Variants in SCGB2B2 observed in about 807,000 individuals in gnomAD.
SCGB2B2 encodes the protein secretoglobin family 2B member 2, also known as secretoglobin-like protein.
In SCGB2B2, 11 loss-of-function variants were observed where a neutral mutation model predicts 7.6. The observed-to-expected ratio is 1.45, with a 90% CI of 0.91 to 2.40. SCGB2B2 has a LOEUF of 2.40. Among genes scored for constraint, SCGB2B2 ranks in the 30% most tolerant of loss-of-function variants. The pLI, the probability that SCGB2B2 is intolerant of heterozygous loss-of-function variation, is 0.00. For synonymous variants in SCGB2B2, 50 were observed against 48.6 expected, an observed-to-expected ratio of 1.03 and a Z score of -0.12; for missense variants, 104 against 115.4, an observed-to-expected ratio of 0.90 and a Z score of 0.45.
At chr19:34,669,247 T>C (rs17258079) in intron 1 of SCGB2B2, among the ~76,000 whole-genome samples, 45,349 of 152,114 alleles carry the variant, frequency 0.3, 7,534 homozygotes, top group Non-Finnish European at 0.37. Context: ...ATCTCTTCAC[T>C]GTGTAACATG....
intron 1 of SCGB2B2, among the ~76,000 whole-genome samples, chr19:34,641,138 A>C (rs2066829147): frequency 6.6e-6 from 1 of 152,022 alleles, no homozygotes; most frequent in Non-Finnish European, 1.5e-5. Flanking sequence ...ATATGCCTGG[A>C]CTTTGACTTG....
chr19:34,645,657 C>T lies in SCGB2B2; in HGVS notation c.-2032+29973G>A, dbSNP rs145344750. ...CTCTGCCTGCTGGGACCAGACTCCA[C>T]TGTCATGAGGATGACACCCACCGCC... On this transcript the variant is annotated intron_variant, in intron 1 of 3. Coordinates refer to ENST00000601241, the MANE Select transcript of SCGB2B2 (RefSeq NM_001025591.4). 1.6e-4 allele frequency: 61 copies of T among 370,452 alleles called. No homozygotes were observed. In the East Asian group the frequency reaches 4.5e-3, roughly 28 times the overall value. The allele number at this position is 370,452 out of a possible 1,614,324, so 22.9% of individuals were successfully genotyped here. A position where few individuals can be genotyped will look rare whatever the true frequency, so the allele number is the denominator to read the frequency against.
At chr19:34,662,468 A>G (rs2067486071) in intron 1 of SCGB2B2, among the ~76,000 whole-genome samples, 1 of 151,458 alleles carries the variant, frequency 6.6e-6, no homozygotes, top group Non-Finnish European at 1.5e-5. Flanking sequence ...AACCATATTA[A>G]AAATAACAAT....
At chr19:34,668,263 G>A (rs1413969979) in intron 1 of SCGB2B2, among the ~76,000 whole-genome samples, 2 of 152,172 alleles carry the variant, frequency 1.3e-5, no homozygotes, top group Non-Finnish European at 2.9e-5. Context: ...CGGTGGGCGT[G>A]GGCTTGGCGG....
At chr19:34,634,564 A>G (rs930709360) in intron 1 of SCGB2B2, among the ~76,000 whole-genome samples, 2 of 152,270 alleles carry the variant, frequency 1.3e-5, no homozygotes, top group Admixed American at 1.3e-4. Flanking sequence ...AGCTACTTTC[A>G]GAGCTTCTGT....
At chr19:34,631,297 C>T (rs868751017) in intron 1 of SCGB2B2, among the ~76,000 whole-genome samples, 10 of 147,440 alleles carry the variant, frequency 6.8e-5, no homozygotes, top group Non-Finnish European at 8.9e-5. Flanking sequence ...TTTCTTAGAA[C>T]ATTATGAGTT....
chr19:34,585,533 A>G, the SCGB2B2 span, among the ~76,000 whole-genome samples: 2 of 152,216 alleles, frequency 1.3e-5, no homozygotes, highest in East Asian at 3.8e-4. Flanking sequence ...ATAACATTGC[A>G]GTAAAGAAAG....
chr19:34,599,427 C>T (rs915038034), intron 1 of SCGB2B2, among the ~76,000 whole-genome samples: 1 of 152,200 alleles, frequency 6.6e-6, no homozygotes, highest in Non-Finnish European at 1.5e-5. Flanking sequence ...TAAAGTTCCA[C>T]GTGGCTGGGG....
Position 34,612,019 on chromosome 19 carries a change from A to T in SCGB2B2, c.-2031-15425T>A, listed in dbSNP as rs202152388. ...TTTTCATATATTTGTGTTTTAGAAA[A>T]TTCTTTTTTTTTTTTTTTTTTTTTT... On this transcript the variant is annotated intron_variant, in intron 1 of 3. Coordinates refer to ENST00000601241, the MANE Select transcript of SCGB2B2 (RefSeq NM_001025591.4). Among the ~76,000 whole-genome samples the T allele has an allele frequency of 1.7e-3, 71 of 43,030 alleles. No individual in the cohort carries two copies. The East Asian group carries it at 0.04, about 24-fold the overall frequency. The allele number at this position is 43,030 out of a possible 152,430, so 28.2% of individuals were successfully genotyped here.
At chr19:34,630,900 G>A (rs1022035632) in intron 1 of SCGB2B2, among the ~76,000 whole-genome samples, 3 of 151,620 alleles carry the variant, frequency 2.0e-5, no homozygotes, top group African/African-American at 4.9e-5. Context: ...TTAAGAAAAT[G>A]TGGCACATAT....
At position 34,676,562 on chromosome 19, in the gene SCGB2B2, ATT is replaced by A. The variant is rs924962074; in HGVS notation, c.-2966_-2965del. 3.3e-5 allele frequency: 5 copies of A among 152,050 alleles called. No homozygotes were observed. Among genetic ancestry groups the A allele is most frequent in the Non-Finnish European group, 5.9e-5 (4 of 68,008 alleles). 9.4% of individuals were successfully genotyped at this position (152,050 alleles called of 1,614,324 possible). ...CTGCTGCTCTAACAATGGAGTACCC[ATT>A]GTTTCTTTACTTTCTTAATACACTT... On this transcript the variant is annotated 5_prime_UTR_variant, in exon 1 of 4. An upstream start codon of the reference 5' UTR is lost. Coordinates refer to ENST00000601241, the MANE Select transcript of SCGB2B2 (RefSeq NM_001025591.4).
chr19:34,656,475 C>A (rs2067286421), intron 1 of SCGB2B2, among the ~76,000 whole-genome samples: 2 of 150,994 alleles, frequency 1.3e-5, no homozygotes, highest in Admixed American at 6.6e-5. Context: ...TGGTGGCACC[C>A]ACCTAAAATC....
chr19:34,636,206 G>A (rs762623956), intron 1 of SCGB2B2, among the ~76,000 whole-genome samples: 20 of 152,306 alleles, frequency 1.3e-4, no homozygotes, highest in South Asian at 6.2e-4. Flanking sequence ...CCTGGTCTAG[G>A]ACTGACTTTC....
chr19:34,650,019 A>G (rs1002495641), intron 1 of SCGB2B2, among the ~76,000 whole-genome samples: 2 of 151,158 alleles, frequency 1.3e-5, no homozygotes, highest in Non-Finnish European at 2.9e-5. Context: ...AAGTGTCCTG[A>G]GGGCAATAAC....
At chr19:34,641,846 C>G (rs1049054997) in intron 1 of SCGB2B2, among the ~76,000 whole-genome samples, 4 of 152,164 alleles carry the variant, frequency 2.6e-5, no homozygotes, top group African/African-American at 9.7e-5. Flanking sequence ...CTAGATCTTT[C>G]CTAGTCTAGA....
At chr19:34,587,643 C>T (rs561253971), downstream of SCGB2B2, among the ~76,000 whole-genome samples, 6 of 152,290 alleles carry the variant, frequency 3.9e-5, no homozygotes, top group Non-Finnish European at 5.9e-5. Flanking sequence ...TTTCCCTATT[C>T]ACTATGATGT....
intron 1 of SCGB2B2, among the ~76,000 whole-genome samples, chr19:34,628,970 C>A (rs1288607886): frequency 1.3e-5 from 2 of 151,802 alleles, no homozygotes; most frequent in Non-Finnish European, 2.9e-5. Flanking sequence ...TCAACATATG[C>A]AAATCAATAA....
intron 1 of SCGB2B2, among the ~76,000 whole-genome samples, chr19:34,619,938 T>A (rs1467331500): frequency 6.6e-6 from 1 of 152,206 alleles, no homozygotes; most frequent in Admixed American, 6.5e-5. Context: ...GTTACTTGGA[T>A]GAATAACCTT....
intron 1 of SCGB2B2, among the ~76,000 whole-genome samples, chr19:34,605,890 G>C (rs553843884): frequency 3.3e-5 from 5 of 152,042 alleles, no homozygotes; most frequent in Admixed American, 1.3e-4. Context: ...CACTGCACCC[G>C]GCTAATCTTA....
Sources: gnomAD v4.1 joint callset for allele counts (sites outside exome capture counted in the v4.1 genomes callset) on GRCh38, gnomAD v4.1.1 for gene constraint, MANE v1.5 for transcripts, NCBI Gene and HGNC (gene_info 2026-07-23, HGNC 2026-07-21) for gene names.